NRXN3: variants seen among roughly 807,000 people sequenced by gnomAD.
NRXN3 encodes neurexin III.
NRXN3 carries 32 observed loss-of-function variants against 137.6 expected under a neutral mutation model. The observed-to-expected ratio is 0.23, with a 90% CI of 0.18 to 0.31. NRXN3 has a LOEUF of 0.31. Ranked by LOEUF, NRXN3 falls within the 10% of genes least tolerant of loss-of-function variation. The pLI, the probability that NRXN3 is intolerant of heterozygous loss-of-function variation, is 1.00. For synonymous variants in NRXN3, 798 were observed against 784.5 expected (o/e 1.02, Z -0.29); for missense variants, 1,574 against 2,062.5 (o/e 0.76, Z 4.59).
At chr14:79,504,002 C>G (rs1245481868) in intron 16 of NRXN3, among the ~76,000 whole-genome samples, 1 of 152,212 alleles carries the variant, frequency 6.6e-6, no homozygotes, top group Non-Finnish European at 1.5e-5. Flanking sequence ...CCAGTCTAAC[C>G]TGGAATCTTT....
intron 16 of NRXN3, among the ~76,000 whole-genome samples, chr14:79,613,777 A>G (rs1393034693): frequency 6.6e-6 from 1 of 152,218 alleles, no homozygotes; most frequent in Non-Finnish European, 1.5e-5. Context: ...CCAGGCACAA[A>G]GATAAATCAG....
intron 19 of NRXN3, among the ~76,000 whole-genome samples, chr14:79,762,797 G>C (rs144212280): frequency 1.3e-5 from 2 of 151,796 alleles, no homozygotes; most frequent in African/African-American, 4.9e-5. Flanking sequence ...TTACTTAAGA[G>C]AGAGGCAAAG....
At chr14:79,495,294 A>G (rs1465382518) in intron 16 of NRXN3, among the ~76,000 whole-genome samples, 1 of 152,200 alleles carries the variant, frequency 6.6e-6, no homozygotes, top group Non-Finnish European at 1.5e-5. Flanking sequence ...TGAAAAAAGA[A>G]CAGAATTGAC....
At chr14:78,702,042 C>T (rs2098285695) in intron 6 of NRXN3, among the ~76,000 whole-genome samples, 1 of 152,126 alleles carries the variant, frequency 6.6e-6, no homozygotes. Flanking sequence ...GCAGATGTGA[C>T]TCTGGTCATG....
intron 15 of NRXN3, among the ~76,000 whole-genome samples, chr14:79,267,057 T>C (rs1362694828): frequency 6.6e-6 from 1 of 152,238 alleles, no homozygotes; most frequent in Non-Finnish European, 1.5e-5. Flanking sequence ...ACAAAAGATA[T>C]GTAAACTAAT....
At chr14:79,733,951 A>C (rs1273180845) in intron 19 of NRXN3, among the ~76,000 whole-genome samples, 1 of 152,168 alleles carries the variant, frequency 6.6e-6, no homozygotes, top group Admixed American at 6.6e-5. Context: ...TTAAAATGAT[A>C]AACATGACTC....
At chr14:79,261,601 C>CTG (rs5809932) in intron 15 of NRXN3, among the ~76,000 whole-genome samples, 5,831 of 59,106 alleles carry the variant, frequency 0.099, 347 homozygotes, top group Middle Eastern at 0.11. Context: ...AAGAAAGGTG[C>CTG]TGTGTGTGTG....
At chr14:79,812,256 C>T (rs561648995) in intron 20 of NRXN3, among the ~76,000 whole-genome samples, 11 of 152,212 alleles carry the variant, frequency 7.2e-5, no homozygotes, top group Admixed American at 7.2e-4. Flanking sequence ...TGATAAATCT[C>T]TTCTATATGT....
rs2082871575 is a variant in NRXN3, at chr14:79,289,816, G to A, written c.3263-177405G>A. On this transcript the variant is annotated intron_variant, in intron 15 of 20. Transcript: ENST00000335750. ...ACTTGCCAGAAGGCAGGAAAGAAAT[G>A]GCCTGTCTGTTCACCTGTTGCTGCT... Among the ~76,000 whole-genome samples the A allele has an allele frequency of 2.0e-5, 3 of 152,098 alleles. No individual in the cohort carries two copies. The South Asian group carries it at 6.2e-4, about 32-fold the overall frequency.
At chr14:78,881,636 A>C (rs1389396845) in intron 10 of NRXN3, among the ~76,000 whole-genome samples, 3 of 151,626 alleles carry the variant, frequency 2.0e-5, no homozygotes, top group Non-Finnish European at 2.9e-5. Flanking sequence ...AGTGTTCAAG[A>C]CGTGACTTGG....
At chr14:78,448,430 G>A (rs1490097053) in intron 4 of NRXN3, among the ~76,000 whole-genome samples, 1 of 152,160 alleles carries the variant, frequency 6.6e-6, no homozygotes, top group African/African-American at 2.4e-5. Flanking sequence ...ATTGGGTTTG[G>A]GTAGCCAAAT....
chr14:79,861,820 C>A lies in NRXN3; in HGVS notation c.4572C>A (p.Asp1524Glu). Reference sequence around the variant, plus strand: ...CCATGTACAAGTACAGGAACAGGGACGAGGGGTCCTATCAAGTGGACGAGA... The same window carrying A: ...CCATGTACAAGTACAGGAACAGGGAAGAGGGGTCCTATCAAGTGGACGAGA... ...LYAMYKYRNR[D>E]EGSYQVDETR... Residue 1524 changes from aspartate to glutamate, a missense_variant, in exon 21 of 21, where the codon GAC becomes GAA. Physicochemically the swap from Asp to Glu is conservative, Grantham distance 45. Coordinates refer to ENST00000335750, the MANE Select transcript of NRXN3 (RefSeq NM_001330195.2). The surrounding 1 kb of genome is among the most constrained non-coding windows in gnomAD (Gnocchi z 5.4). The A allele has an allele frequency of 6.2e-7, 1 of 1,614,044 alleles. No homozygotes were observed. Among genetic ancestry groups the A allele is most frequent in the African/African-American group, 1.3e-5 (1 of 74,996 alleles).
At chr14:79,185,816 C>A (rs1179095559) in intron 15 of NRXN3, among the ~76,000 whole-genome samples, 1 of 152,094 alleles carries the variant, frequency 6.6e-6, no homozygotes, top group Non-Finnish European at 1.5e-5. Flanking sequence ...TTATTTGAAT[C>A]CTATTTTATA....
At chr14:78,383,723 T>G (rs2089515687) in intron 4 of NRXN3, among the ~76,000 whole-genome samples, 1 of 152,184 alleles carries the variant, frequency 6.6e-6, no homozygotes, top group South Asian at 2.1e-4. Context: ...GGTGTAACTT[T>G]CCTTACCAGT....
intron 4 of NRXN3, among the ~76,000 whole-genome samples, chr14:78,415,752 G>A (rs1407489320): frequency 6.6e-6 from 1 of 152,074 alleles, no homozygotes; most frequent in Non-Finnish European, 1.5e-5. Context: ...GTTTGATGAA[G>A]TCATGACATT....
chr14:79,644,114 A>G lies in NRXN3; in HGVS notation c.3445-19664A>G, dbSNP rs552571743. ...TTTATCCAAATCAACCCAATGCCCT[A>G]TATTTTGGGACAATTACCCTTGAGA... On this transcript the variant is annotated intron_variant, in intron 16 of 20. Coordinates refer to ENST00000335750, the MANE Select transcript of NRXN3 (RefSeq NM_001330195.2). Among the ~76,000 whole-genome samples the G allele has an allele frequency of 8.2e-5, 11 of 134,948 alleles. 1 individual carries two copies. The highest frequency in any genetic ancestry group is 2.2e-4 in the African/African-American group (9 of 40,882). The allele number at this position is 134,948 out of a possible 152,430, so 88.5% of individuals were successfully genotyped here.
chr14:79,723,618 A>T (rs755514032), intron 19 of NRXN3, among the ~76,000 whole-genome samples: 8 of 152,124 alleles, frequency 5.3e-5, no homozygotes, highest in Non-Finnish European at 1.0e-4. Context: ...TATGGAGACG[A>T]ATGAAATTTC....
chr14:79,165,260 A>G (rs193240729), intron 15 of NRXN3, among the ~76,000 whole-genome samples: 77 of 152,120 alleles, frequency 5.1e-4, no homozygotes, highest in Middle Eastern at 3.4e-3. Context: ...CTGAAATAGC[A>G]TAATAATTAA....
At chr14:79,549,811 T>C (rs111390951) in intron 16 of NRXN3, among the ~76,000 whole-genome samples, 8 of 152,212 alleles carry the variant, frequency 5.3e-5, no homozygotes, top group South Asian at 2.1e-4. Flanking sequence ...CCAAATTCTA[T>C]TGAGCCACAT....
Sources: gnomAD v4.1 joint callset for allele counts (sites outside exome capture counted in the v4.1 genomes callset) on GRCh38, gnomAD v4.1.1 for gene constraint, Gnocchi (gnomAD v3.1) non-coding constraint, MANE v1.5 for transcripts, NCBI Gene and HGNC (gene_info 2026-07-23, HGNC 2026-07-21) for gene names.